The following ACAP2 variants were observed in gnomAD, a reference collection of about 807,000 sequenced individuals.
ACAP2 encodes the protein arf-GAP with coiled-coil, ANK repeat and PH domain-containing protein 2.
ACAP2 carries 39 observed loss-of-function variants against 115.8 expected under a neutral mutation model. The observed-to-expected ratio is 0.34, with a 90% CI of 0.26 to 0.44. The LOEUF (loss-of-function observed/expected upper bound fraction) is 0.44. Ranked by LOEUF, ACAP2 falls within the 20% of genes least tolerant of loss-of-function variation. The probability of loss-of-function intolerance (pLI) is 1.00; values close to 1 mark genes in which losing one functional copy is unlikely to be tolerated. For synonymous variants in ACAP2, 289 were observed against 315.8 expected, an observed-to-expected ratio of 0.92 and a Z score of 0.90; for missense variants, 662 against 927.6, an observed-to-expected ratio of 0.71 and a Z score of 3.72.
In ACAP2 at chr3:195,307,991, A is replaced by C. The variant is rs76977340; in HGVS notation, c.910-668T>G. Among the ~76,000 whole-genome samples the C allele has an allele frequency of 2.2e-3, 340 of 152,256 alleles. 2 individuals are homozygous for C. The highest frequency in any genetic ancestry group is 8.0e-3 in the African/African-American group (332 of 41,558). On this transcript the variant is annotated intron_variant, in intron 11 of 22. Transcript: ENST00000326793. ...ATAAAAAGTAACTAGGTGAAAAGCAAGTTATCCATTAACTAATGATTTATT... is the reference window on the plus strand; with the variant it reads ...ATAAAAAGTAACTAGGTGAAAAGCACGTTATCCATTAACTAATGATTTATT...
intron 6 of ACAP2, among the ~76,000 whole-genome samples, chr3:195,339,373 A>G (rs1730722660): frequency 6.6e-6 from 1 of 152,064 alleles, no homozygotes; most frequent in Non-Finnish European, 1.5e-5. Context: ...AACACTGAAT[A>G]ATGTTAAAAT....
chr3:195,384,712 G>A (rs1169660536), intron 2 of ACAP2, among the ~76,000 whole-genome samples: 1 of 138,292 alleles, frequency 7.2e-6, no homozygotes, highest in Non-Finnish European at 1.5e-5. Flanking sequence ...CAGTGACAGA[G>A]CGAGGCTGTC....
chr3:195,302,726 A>C (rs917104501), intron 13 of ACAP2, among the ~76,000 whole-genome samples: 5 of 152,218 alleles, frequency 3.3e-5, no homozygotes, highest in African/African-American at 1.2e-4. Flanking sequence ...TAGAACATAC[A>C]ATGTTTAAAA....
rs188971108 is a variant in ACAP2, at chr3:195,405,350, A to G, written c.54-13203T>C. Reference sequence around the variant, plus strand: ...CAATCACTTCCAATTAATTTCATCAACTGTTAAGGATGATGTATTGGTCTG... The same window carrying G: ...CAATCACTTCCAATTAATTTCATCAGCTGTTAAGGATGATGTATTGGTCTG... On this transcript the variant is annotated intron_variant, in intron 1 of 22. Transcript: ENST00000326793. Among the ~76,000 whole-genome samples the G allele has an allele frequency of 3.5e-4, 54 of 152,260 alleles. 1 individual carries two copies. Among genetic ancestry groups the G allele is most frequent in the African/African-American group, 1.1e-3 (44 of 41,564 alleles).
chr3:195,313,864 A>C (rs960657033), intron 10 of ACAP2, among the ~76,000 whole-genome samples: 7 of 152,184 alleles, frequency 4.6e-5, no homozygotes, highest in Non-Finnish European at 1.0e-4. Context: ...ATAATCCACT[A>C]ATTTGAGCCT....
At chr3:195,360,143 A>G (rs2108692145) in intron 4 of ACAP2, among the ~76,000 whole-genome samples, 1 of 152,330 alleles carries the variant, frequency 6.6e-6, no homozygotes, top group African/African-American at 2.4e-5. Flanking sequence ...GACACATCTC[A>G]CCTATAAAGA....
chr3:195,397,558 CTG>C (rs1169345472), intron 1 of ACAP2, among the ~76,000 whole-genome samples: 2 of 151,782 alleles, frequency 1.3e-5, no homozygotes, highest in Non-Finnish European at 2.9e-5. Flanking sequence ...GTCCTCTATG[CTG>C]GGTCTCTACA....
At chr3:195,321,403 A>G (rs1027214216) in intron 9 of ACAP2, among the ~76,000 whole-genome samples, 16 of 151,748 alleles carry the variant, frequency 1.1e-4, no homozygotes, top group Admixed American at 8.5e-4. Context: ...TTGTAGAGAC[A>G]GGGTTTCACC....
At chr3:195,293,689 A>G (rs1177418387) in intron 18 of ACAP2, among the ~76,000 whole-genome samples, 1 of 152,116 alleles carries the variant, frequency 6.6e-6, no homozygotes, top group Non-Finnish European at 1.5e-5. Context: ...TAAAAATACA[A>G]AAATTAGCTG....
chr3:195,377,943 G>C (rs141817502), intron 4 of ACAP2, among the ~76,000 whole-genome samples: 2 of 151,882 alleles, frequency 1.3e-5, no homozygotes, highest in African/African-American at 4.8e-5. Context: ...CCAGGCAGAC[G>C]GACAAAAAGT....
intron 22 of ACAP2, among the ~76,000 whole-genome samples, chr3:195,283,867 G>A (rs1368347747): frequency 1.3e-5 from 2 of 151,978 alleles, no homozygotes; most frequent in Non-Finnish European, 2.9e-5. Context: ...AATGGTAAGA[G>A]AGCTTGTTTT....
chr3:195,409,395 G>C (rs1035789805), intron 1 of ACAP2, among the ~76,000 whole-genome samples: 1 of 151,830 alleles, frequency 6.6e-6, no homozygotes, highest in Non-Finnish European at 1.5e-5. Flanking sequence ...AAGTTGAAAG[G>C]CTTGTACAAT....
At chr3:195,401,706 GAA>G (rs919692928) in intron 1 of ACAP2, among the ~76,000 whole-genome samples, 3 of 152,164 alleles carry the variant, frequency 2.0e-5, no homozygotes, top group Non-Finnish European at 4.4e-5. Flanking sequence ...CGTGAAATAT[GAA>G]GAGAAAAGCA....
At chr3:195,366,434 G>C (rs1317310816) in intron 4 of ACAP2, among the ~76,000 whole-genome samples, 1 of 152,198 alleles carries the variant, frequency 6.6e-6, no homozygotes, top group Non-Finnish European at 1.5e-5. Context: ...AATAATTAGA[G>C]ACACTGGTGA....
intron 6 of ACAP2, among the ~76,000 whole-genome samples, chr3:195,341,446 T>G (rs376859726): frequency 9.2e-4 from 136 of 147,264 alleles, no homozygotes; most frequent in African/African-American, 3.3e-3. Flanking sequence ...TGCCTCAGCC[T>G]CCCGAGTAGC....
chr3:195,340,269 T>C (rs112647564), intron 6 of ACAP2, among the ~76,000 whole-genome samples: 290 of 151,082 alleles, frequency 1.9e-3, no homozygotes, highest in African/African-American at 6.7e-3. Flanking sequence ...ATATCTGATA[T>C]AATTCTCTCA....
intron 1 of ACAP2, among the ~76,000 whole-genome samples, chr3:195,403,103 T>C (rs1262012677): frequency 6.6e-6 from 1 of 152,200 alleles, no homozygotes; most frequent in Non-Finnish European, 1.5e-5. Flanking sequence ...AAAATAGTCC[T>C]CACTGAGAAA....
intron 10 of ACAP2, among the ~76,000 whole-genome samples, chr3:195,317,794 A>G (rs986787246): frequency 2.0e-5 from 3 of 152,156 alleles, no homozygotes; most frequent in Non-Finnish European, 4.4e-5. Flanking sequence ...CTATTTCCTA[A>G]AACTCCTGTT....
At chr3:195,376,054 C>T (rs973152921) in intron 4 of ACAP2, among the ~76,000 whole-genome samples, 3 of 152,088 alleles carry the variant, frequency 2.0e-5, no homozygotes, top group Non-Finnish European at 4.4e-5. Context: ...ATGTAGCATA[C>T]CTGACCTGCT....
Sources: allele counts gnomAD v4.1 joint callset (sites outside exome capture counted in the v4.1 genomes callset), GRCh38; gene constraint gnomAD v4.1.1; transcripts MANE v1.5; gene names NCBI Gene and HGNC (gene_info 2026-07-23, HGNC 2026-07-21).